Variants in EIF3L observed in about 807,000 individuals in gnomAD.
EIF3L encodes the protein eukaryotic translation initiation factor 3 subunit L.
In EIF3L, 32 loss-of-function variants were observed where a neutral mutation model predicts 74.6. The ratio of observed to expected loss-of-function variants is 0.43; its 90% CI spans 0.32 to 0.58. The LOEUF (loss-of-function observed/expected upper bound fraction) is 0.58. Ranked by LOEUF, EIF3L falls within the 20% of genes least tolerant of loss-of-function variation. EIF3L has a pLI of 0.06. For synonymous variants in EIF3L, 256 were observed against 254.4 expected (o/e 1.01, Z -0.06); for missense variants, 474 against 707.8 (o/e 0.67, Z 3.75).
chr22:37,871,871 GGAA>G (rs1003198969), intron 8 of EIF3L, among the ~76,000 whole-genome samples: 9 of 111,574 alleles, frequency 8.1e-5, no homozygotes, highest in Non-Finnish European at 1.1e-4. Context: ...TCTGTCTCGG[GGAA>G]AAAAAAAAAA....
intron 11 of EIF3L, chr22:37,881,190 C>T (rs1165701921): frequency 6.6e-6 from 1 of 152,130 alleles, no homozygotes; most frequent in African/African-American, 2.4e-5. Context: ...TTCACTGGCA[C>T]TTTTAAGTTC....
chr22:37,883,054 T>A (rs376515720), intron 11 of EIF3L: 5 of 151,690 alleles, frequency 3.3e-5, no homozygotes, highest in African/African-American at 1.2e-4. Context: ...CCCAACACTT[T>A]GAGAGGCGAA....
intron 1 of EIF3L, chr22:37,849,712 A>C: frequency 1.6e-6 from 1 of 607,312 alleles, no homozygotes; most frequent in Non-Finnish European, 2.9e-6. Context: ...CCGGAGACTA[A>C]GGCCTGTTAG....
intron 3 of EIF3L, among the ~76,000 whole-genome samples, chr22:37,853,257 C>G (rs913963233): frequency 2.6e-5 from 4 of 151,866 alleles, no homozygotes; most frequent in Admixed American, 6.6e-5. Flanking sequence ...TGACTCCTAA[C>G]AAGAAAGAAT....
rs1429594944 is a variant in EIF3L at position 37,855,554 on chromosome 22, T to C, written c.294-11T>C. Reference sequence around the variant, plus strand: ...TTTTGGAATTTTAGAGATTTTTTTCTTGATTTTTAGCTGGACCAAGCTGAC... The same window carrying C: ...TTTTGGAATTTTAGAGATTTTTTTCCTGATTTTTAGCTGGACCAAGCTGAC... On this transcript the variant is annotated splice_polypyrimidine_tract_variant and intron_variant, in intron 3 of 12. Transcript: ENST00000652021. 2 of 1,613,512 alleles carry C rather than the reference T, an allele frequency of 1.2e-6. No individual in the cohort carries two copies. The highest frequency in any genetic ancestry group is 2.2e-5 in the East Asian group (1 of 44,900).
Position 37,874,444 on chromosome 22 carries a change from G to C in EIF3L, c.826G>C (p.Gly276Arg), listed in dbSNP as rs758047383. The stretch of plus-strand genomic sequence containing the variant: ...AATGCTTGGTTACTTCAGCCTGGTC[G>C]GGCTTCTCCGCCTGCACTCCCTGTT... ...YKMLGYFSLV[G>R]LLRLHSLLGD... Residue 276 changes from glycine (G) to arginine (R), a missense_variant, in exon 9 of 13, where the codon GGG becomes CGG. Transcript: ENST00000652021. 6.2e-7 allele frequency: 1 copy of C among 1,613,976 alleles called. No homozygotes were observed. Among genetic ancestry groups the C allele is most frequent in the Admixed American group, 1.7e-5 (1 of 59,978 alleles).
Position 37,849,462 on chromosome 22 carries a change from G to C in EIF3L, c.13G>C (p.Ala5Pro). The C allele has an allele frequency of 6.2e-7, 1 of 1,611,740 alleles. No individual in the cohort carries two copies. Among genetic ancestry groups the C allele is most frequent in the Non-Finnish European group, 8.5e-7 (1 of 1,178,740 alleles). Residue 5 changes from alanine to proline, a missense_variant, in exon 1 of 13, where the codon GCT becomes CCT. Physicochemically the swap from Ala to Pro is conservative, Grantham distance 27. Transcript: ENST00000652021. The stretch of plus-strand genomic sequence containing the variant: ...AAGCGAGGCAGCCATGTCTTATCCC[G>C]CTGATGATTATGAGTCTGAGGTAAG... MSYP[A>P]DDYESEAAYD...
chr22:37,865,080 A>C (rs979396812), intron 7 of EIF3L, among the ~76,000 whole-genome samples: 2 of 152,202 alleles, frequency 1.3e-5, no homozygotes, highest in Non-Finnish European at 2.9e-5. Flanking sequence ...CTATTTAAAA[A>C]TACAGATTGC....
At chr22:37,851,957 C>A (rs912948356) in intron 3 of EIF3L, among the ~76,000 whole-genome samples, 2 of 152,104 alleles carry the variant, frequency 1.3e-5, no homozygotes, top group Non-Finnish European at 2.9e-5. Context: ...TGGGAGCCAC[C>A]ATGCCTGGCC....
intron 11 of EIF3L, chr22:37,879,753 T>C (rs1926949068): frequency 6.6e-6 from 1 of 151,998 alleles, no homozygotes; most frequent in Non-Finnish European, 1.5e-5. Context: ...TAGTTAGCAA[T>C]AATCACACCT....
chr22:37,856,367 G>A (rs925959840), intron 4 of EIF3L, among the ~76,000 whole-genome samples: 1 of 151,996 alleles, frequency 6.6e-6, no homozygotes, highest in East Asian at 1.9e-4. Context: ...ATGAGCCACC[G>A]CACCCAGCCT....
chr22:37,859,532 C>A lies in EIF3L; in HGVS notation c.435+792C>A, dbSNP rs1041668465. On this transcript the variant is annotated intron_variant, in intron 5 of 12. Transcript: ENST00000652021. The stretch of plus-strand genomic sequence containing the variant: ...GAGTAGCTGGGATTGCAGGTGCCTG[C>A]CACCACACCTGGCTAATTTTTTTGT... 1.2e-4 allele frequency among the ~76,000 whole-genome samples: 18 copies of A among 151,610 alleles called. 1 individual carries two copies. In the East Asian group the frequency reaches 3.4e-3, roughly 28 times the overall value.
chr22:37,863,294 T>A lies in EIF3L; in HGVS notation c.528T>A (p.Leu176=). The stretch of plus-strand genomic sequence containing the variant: ...CAGATGCCGATGGTCCTGCTCCCCT[T>A]GAACTACCCAACCAGTGGCTCTGGG... The part of the protein sequence containing the change: ...YILNADGPAP[L]ELPNQWLWDI... Residue 176 remains leucine (L), a synonymous_variant, in exon 7 of 13, where the codon CTT becomes CTA. Transcript: ENST00000652021. 6.2e-7 allele frequency: 1 copy of A among 1,613,932 alleles called. No individual in the cohort carries two copies. Among genetic ancestry groups the A allele is most frequent in the Non-Finnish European group, 8.5e-7 (1 of 1,179,958 alleles).
intron 7 of EIF3L, among the ~76,000 whole-genome samples, chr22:37,869,101 T>C (rs546729307): frequency 3.3e-5 from 5 of 152,136 alleles, no homozygotes; most frequent in African/African-American, 1.2e-4. Context: ...ATTACAAAAT[T>C]AGCATTTTGT....
intron 9 of EIF3L, among the ~76,000 whole-genome samples, chr22:37,875,342 C>T (rs1471151178): frequency 6.6e-6 from 1 of 151,552 alleles, no homozygotes; most frequent in Non-Finnish European, 1.5e-5. Flanking sequence ...CACACCATTG[C>T]ACTCCAGCCT....
intron 1 of EIF3L, 76 bp downstream of exon 1, chr22:37,849,558 G>T (rs1439763218): frequency 6.7e-7 from 1 of 1,490,640 alleles, no homozygotes. Context: ...GTCCCGGCGC[G>T]AGGCAGCTTC....
At chr22:37,877,376 T>C (rs1232104912) in intron 10 of EIF3L, 2 of 327,186 alleles carry the variant, frequency 6.1e-6, no homozygotes, top group African/African-American at 4.2e-5. Flanking sequence ...TTTGGGTAAC[T>C]CGATCCTAAC....
rs1331110636 is a variant in EIF3L, at chr22:37,872,281, C to G, written c.751+1934C>G. ...GAAGGATTACAGGCACACGCCACCACGCCGGGCTGATTTTTGTATTTTTAG... is the reference window on the plus strand; with the variant it reads ...GAAGGATTACAGGCACACGCCACCAGGCCGGGCTGATTTTTGTATTTTTAG... On this transcript the variant is annotated intron_variant, in intron 8 of 12. Coordinates refer to ENST00000652021, the MANE Select transcript of EIF3L (RefSeq NM_016091.4). Among the ~76,000 whole-genome samples, 2 of 152,084 alleles carry G rather than the reference C, an allele frequency of 1.3e-5. 1 individual carries two copies. The highest frequency in any genetic ancestry group is 4.1e-4 in the South Asian group (2 of 4,824).
intron 7 of EIF3L, among the ~76,000 whole-genome samples, chr22:37,866,302 A>ATAC (rs1159680507): frequency 3.3e-5 from 5 of 152,340 alleles, no homozygotes; most frequent in East Asian, 1.9e-4. Context: ...TGATATGGAT[A>ATAC]TACCATGCCT....
Sources: allele counts gnomAD v4.1 joint callset (sites outside exome capture counted in the v4.1 genomes callset), GRCh38; gene constraint gnomAD v4.1.1; transcripts MANE v1.5; gene names NCBI Gene and HGNC (gene_info 2026-07-23, HGNC 2026-07-21).